The following PTPRG variants were observed in gnomAD, a reference collection of about 807,000 sequenced individuals.
PTPRG encodes the protein receptor-type tyrosine-protein phosphatase gamma.
PTPRG carries 102 observed loss-of-function variants against 165.3 expected under a neutral mutation model. The ratio of observed to expected loss-of-function variants is 0.62; its 90% CI spans 0.53 to 0.73. The LOEUF (loss-of-function observed/expected upper bound fraction) is 0.73. Among genes scored for constraint, PTPRG ranks in the 30% least tolerant of loss-of-function variants. The pLI, the probability that PTPRG is intolerant of heterozygous loss-of-function variation, is 0.00. For synonymous variants in PTPRG, 675 were observed against 669.5 expected, an observed-to-expected ratio of 1.01 and a Z score of -0.13; for missense variants, 1,866 against 1,861.4, an observed-to-expected ratio of 1.00 and a Z score of -0.05.
intron 24 of PTPRG, among the ~76,000 whole-genome samples, 199 bp downstream of exon 24, chr3:62,276,165 A>C (rs1485072591): frequency 1.3e-5 from 2 of 152,136 alleles, no homozygotes; most frequent in East Asian, 3.9e-4. Flanking sequence ...TGGTACTACC[A>C]AAAGGGAAAA....
At chr3:61,838,483 G>T (rs1226393031) in intron 2 of PTPRG, among the ~76,000 whole-genome samples, 1 of 152,126 alleles carries the variant, frequency 6.6e-6, no homozygotes, top group African/African-American at 2.4e-5. Flanking sequence ...TGGACAGAGT[G>T]CCCACAATGT....
chr3:62,203,536 G>C lies in PTPRG; in HGVS notation c.1741G>C (p.Glu581Gln), dbSNP rs1700146901. The change falls in exon 12 of 30, where the codon GAG becomes CAG. Residue 581 changes from glutamate to glutamine, a missense_variant. Physicochemically the swap from Glu to Gln is conservative, Grantham distance 29. Transcript: ENST00000474889. The surrounding 1 kb of genome is among the most constrained non-coding windows in gnomAD (Gnocchi z 6.4). The stretch of plus-strand genomic sequence containing the variant: ...GGACGGCGAGGGCACCGAGGAAGGA[G>C]AGAAGGATGAGAAAAGCGAGAGTGA... Reference protein sequence around the residue: ...TKDGEGTEEGEKDEKSESEDG... With the variant: ...TKDGEGTEEGQKDEKSESEDG... 1.3e-6 allele frequency: 2 copies of C among 1,553,848 alleles called. No individual in the cohort carries two copies. Among genetic ancestry groups the C allele is most frequent in the African/African-American group, 2.7e-5 (2 of 73,168 alleles).
chr3:61,566,627 C>T (rs1699921532), intron 1 of PTPRG, among the ~76,000 whole-genome samples: 1 of 152,192 alleles, frequency 6.6e-6, no homozygotes, highest in Non-Finnish European at 1.5e-5. Flanking sequence ...CCTGCCTCAG[C>T]CTCCTGAGTA....
At chr3:62,282,460 C>T (rs1185648572) in intron 27 of PTPRG, among the ~76,000 whole-genome samples, 2 of 150,714 alleles carry the variant, frequency 1.3e-5, no homozygotes, top group Non-Finnish European at 3.0e-5. Flanking sequence ...GAACTCCTGG[C>T]CTCAAGCAAT....
At chr3:61,628,184 C>G (rs1575548515) in intron 1 of PTPRG, among the ~76,000 whole-genome samples, 2 of 152,138 alleles carry the variant, frequency 1.3e-5, no homozygotes, top group African/African-American at 4.8e-5. Flanking sequence ...GGGAATAAGA[C>G]AAATAAGAAT....
At chr3:62,166,455 G>A (rs13062830) in intron 7 of PTPRG, among the ~76,000 whole-genome samples, 1 of 151,232 alleles carries the variant, frequency 6.6e-6, no homozygotes, top group African/African-American at 2.4e-5. Flanking sequence ...TCATGCCTCA[G>A]CCTCCCGAGT....
At chr3:62,025,811 T>G (rs2107770532) in intron 4 of PTPRG, among the ~76,000 whole-genome samples, 1 of 152,334 alleles carries the variant, frequency 6.6e-6, no homozygotes, top group East Asian at 1.9e-4. Flanking sequence ...ACCTAACTAA[T>G]TTTTACTAGA....
intron 12 of PTPRG, among the ~76,000 whole-genome samples, chr3:62,211,018 T>C (rs1221571108): frequency 1.3e-5 from 2 of 152,168 alleles, no homozygotes; most frequent in Non-Finnish European, 2.9e-5. Context: ...GCCCAAAGGA[T>C]TGAAAGCAGG....
At chr3:62,115,596 G>A (rs1702834534) in intron 5 of PTPRG, among the ~76,000 whole-genome samples, 1 of 151,140 alleles carries the variant, frequency 6.6e-6, no homozygotes, top group Non-Finnish European at 1.5e-5. Flanking sequence ...AACTTATAGA[G>A]TATAACTGTG....
intron 2 of PTPRG, among the ~76,000 whole-genome samples, chr3:61,768,955 C>T (rs1429931979): frequency 6.6e-6 from 1 of 152,064 alleles, no homozygotes; most frequent in Admixed American, 6.6e-5. Flanking sequence ...TCACACACCT[C>T]CTATGAAGTA....
At chr3:62,116,646 C>T (rs939778437) in intron 5 of PTPRG, among the ~76,000 whole-genome samples, 1 of 152,060 alleles carries the variant, frequency 6.6e-6, no homozygotes, top group African/African-American at 2.4e-5. Context: ...TTCTAGAGTT[C>T]TGGAAATTTT....
At chr3:62,050,402 A>G (rs1700434041) in intron 4 of PTPRG, among the ~76,000 whole-genome samples, 2 of 152,340 alleles carry the variant, frequency 1.3e-5, no homozygotes, top group South Asian at 4.1e-4. Context: ...CACATAGCCA[A>G]GGTGTATAGC....
At chr3:62,221,353 A>G (rs188171453) in intron 13 of PTPRG, among the ~76,000 whole-genome samples, 117 of 152,350 alleles carry the variant, frequency 7.7e-4, no homozygotes, top group African/African-American at 2.8e-3. Context: ...AGCACAAAAA[A>G]TGAGTGTGAA....
chr3:62,152,825 G>A (rs1704385219), intron 6 of PTPRG, among the ~76,000 whole-genome samples: 1 of 152,110 alleles, frequency 6.6e-6, no homozygotes, highest in African/African-American at 2.4e-5. Flanking sequence ...TCTGATACTT[G>A]GGATTCCTTT....
chr3:62,129,539 CAA>C (rs1476522210), intron 5 of PTPRG, among the ~76,000 whole-genome samples: 1 of 152,110 alleles, frequency 6.6e-6, no homozygotes, highest in Non-Finnish European at 1.5e-5. Context: ...ATCACATGAA[CAA>C]GAGAGAGAAT....
At chr3:61,791,138 C>T (rs1310116267) in intron 2 of PTPRG, among the ~76,000 whole-genome samples, 3 of 152,116 alleles carry the variant, frequency 2.0e-5, no homozygotes, top group Non-Finnish European at 4.4e-5. Context: ...GACTTCTGCA[C>T]CTGTTTTTAT....
At chr3:62,139,448 G>T (rs970600605) in intron 6 of PTPRG, among the ~76,000 whole-genome samples, 2 of 152,066 alleles carry the variant, frequency 1.3e-5, no homozygotes, top group African/African-American at 4.8e-5. Context: ...GACAGAGGGA[G>T]ACTCTGTCCC....
Position 61,908,933 on chromosome 3 carries a change from G to A in PTPRG, c.191-80692G>A, listed in dbSNP as rs140569277. Among the ~76,000 whole-genome samples the A allele has an allele frequency of 2.0e-5, 3 of 152,278 alleles. No homozygotes were observed. The East Asian group carries it at 5.8e-4, about 29-fold the overall frequency. On this transcript the variant is annotated intron_variant, in intron 2 of 29. Transcript: ENST00000474889. Reference sequence around the variant, plus strand: ...AAATACTGCCCCCCATTCCAAGTGAGATTTCCTACTGTTCCTTTCACTGAC... The same window carrying A: ...AAATACTGCCCCCCATTCCAAGTGAAATTTCCTACTGTTCCTTTCACTGAC...
At chr3:62,232,924 A>G (rs1700938485) in intron 14 of PTPRG, among the ~76,000 whole-genome samples, 1 of 152,230 alleles carries the variant, frequency 6.6e-6, no homozygotes, top group Non-Finnish European at 1.5e-5. Flanking sequence ...TTCTAACTGC[A>G]GCTCTGCCAC....
Sources: allele counts gnomAD v4.1 joint callset (sites outside exome capture counted in the v4.1 genomes callset), GRCh38; gene constraint gnomAD v4.1.1; non-coding constraint Gnocchi (gnomAD v3.1); transcripts MANE v1.5; gene names NCBI Gene and HGNC (gene_info 2026-07-23, HGNC 2026-07-21).